Variants in CBLB observed in about 807,000 individuals in gnomAD.
The protein encoded by CBLB is E3 ubiquitin-protein ligase CBL-B.
CBLB carries 31 observed loss-of-function variants against 104.9 expected under a neutral mutation model. The ratio of observed to expected loss-of-function variants is 0.30; its 90% CI spans 0.22 to 0.40. CBLB has a LOEUF of 0.40. CBLB is among the 10% of genes least tolerant of loss of function. CBLB has a pLI of 1.00. For missense variants in CBLB, 1,062 were observed against 1,214.6 expected, an observed-to-expected ratio of 0.87 and a Z score of 1.87; for synonymous variants, 440 against 422.6, an observed-to-expected ratio of 1.04 and a Z score of -0.51.
At chr3:105,830,244 G>C (rs1204933410) in intron 3 of CBLB, among the ~76,000 whole-genome samples, 1 of 152,166 alleles carries the variant, frequency 6.6e-6, no homozygotes, top group Non-Finnish European at 1.5e-5. Flanking sequence ...ATAAAGCCAC[G>C]TAATAGGTGT....
chr3:105,696,654 T>C (rs1167940093), intron 12 of CBLB, among the ~76,000 whole-genome samples: 2 of 151,872 alleles, frequency 1.3e-5, no homozygotes, highest in African/African-American at 2.4e-5. Flanking sequence ...CACAATTGCA[T>C]TGGAAATGCT....
At chr3:105,687,198 G>A (rs1030606165) in intron 13 of CBLB, among the ~76,000 whole-genome samples, 10 of 152,052 alleles carry the variant, frequency 6.6e-5, no homozygotes, top group Non-Finnish European at 1.0e-4. Flanking sequence ...CATACACTAT[G>A]TAAAAAGAAA....
rs145098711 is a variant in CBLB at position 105,826,054 on chromosome 3, C to T, written c.419+27360G>A. Among the ~76,000 whole-genome samples the T allele has an allele frequency of 5.3e-5, 8 of 151,828 alleles. No individual in the cohort carries two copies. In the South Asian group the frequency reaches 8.3e-4, roughly 16 times the overall value. ...AATTTCCTTGACTTTTGAAATTTAA[C>T]GTCAAGCACACTGGAGTTTGAAATG... On this transcript the variant is annotated intron_variant, in intron 3 of 18. Transcript: ENST00000394030.
At chr3:105,700,090 CAG>C (rs2068875698) in intron 12 of CBLB, among the ~76,000 whole-genome samples, 1 of 151,952 alleles carries the variant, frequency 6.6e-6, no homozygotes, top group African/African-American at 2.4e-5. Context: ...AAAGTTCACA[CAG>C]AAATATTTAA....
intron 8 of CBLB, among the ~76,000 whole-genome samples, chr3:105,736,535 TATTTA>T (rs557206261): frequency 1.8e-4 from 27 of 152,306 alleles, no homozygotes; most frequent in African/African-American, 5.8e-4. Flanking sequence ...TAGTCTATTT[TATTTA>T]ATCTATTACT....
At chr3:105,663,112 T>TGA (rs1276427035) in intron 18 of CBLB, among the ~76,000 whole-genome samples, 17 of 152,274 alleles carry the variant, frequency 1.1e-4, no homozygotes, top group African/African-American at 3.9e-4. Flanking sequence ...TGTTACTACT[T>TGA]GAGACCTTCA....
intron 3 of CBLB, among the ~76,000 whole-genome samples, chr3:105,823,105 AG>A (rs2153061917): frequency 6.6e-6 from 1 of 152,350 alleles, no homozygotes. Context: ...AGAGGACAGA[AG>A]GTTTAAACAG....
At position 105,658,587 on chromosome 3, in the gene CBLB, G is replaced by A. The variant is rs73181459; in HGVS notation, c.*383C>T. 1.2e-4 allele frequency: 36 copies of A among 303,480 alleles called. No homozygotes were observed. Among genetic ancestry groups the A allele is most frequent in the Non-Finnish European group, 1.9e-4 (31 of 160,560 alleles). 18.8% of individuals were successfully genotyped at this position (303,480 alleles called of 1,614,324 possible). On this transcript the variant is annotated 3_prime_UTR_variant, in exon 19 of 19. Transcript: ENST00000394030. Reference sequence around the variant, plus strand: ...ACAGCAGACCTGACCACGCTACAAAGGGTCTGTGAAGAACACAGTACAGGT... The same window carrying A: ...ACAGCAGACCTGACCACGCTACAAAAGGTCTGTGAAGAACACAGTACAGGT...
intron 17 of CBLB, among the ~76,000 whole-genome samples, chr3:105,676,667 T>G (rs1205722801): frequency 1.3e-5 from 2 of 152,196 alleles, no homozygotes; most frequent in African/African-American, 4.8e-5. Context: ...AATACAGCAG[T>G]GTTTACATGT....
At chr3:105,862,769 C>G (rs535429491) in intron 2 of CBLB, among the ~76,000 whole-genome samples, 1 of 152,152 alleles carries the variant, frequency 6.6e-6, no homozygotes, top group East Asian at 1.9e-4. Flanking sequence ...ACCCTAACTT[C>G]CCCTCTCTTA....
At chr3:105,792,721 A>C (rs1326344931) in intron 3 of CBLB, among the ~76,000 whole-genome samples, 1 of 152,180 alleles carries the variant, frequency 6.6e-6, no homozygotes, top group Non-Finnish European at 1.5e-5. Flanking sequence ...GAAGAGGACC[A>C]GGCACATCAC....
Position 105,702,222 on chromosome 3 carries a change from CT to C in CBLB, c.1830del (p.Glu612ArgfsTer38). The C allele has an allele frequency of 6.2e-7, 1 of 1,614,090 alleles. No individual in the cohort carries two copies. The highest frequency in any genetic ancestry group is 1.7e-5 in the Admixed American group (1 of 60,020). On this transcript the variant is annotated frameshift_variant, in exon 12 of 19. Transcript: ENST00000394030. LOFTEE classifies it high-confidence loss of function. ...ATTCCAGGTTTTGGAGAGCCCTCCC[CT>C]AGGAGTCGACATCCCACAAGCTGAT... ...GTNQLVGCRL[L>X]GEGSPKPGIT...
chr3:105,770,715 C>A (rs537119247), intron 4 of CBLB, among the ~76,000 whole-genome samples: 1 of 152,204 alleles, frequency 6.6e-6, no homozygotes, highest in Admixed American at 6.5e-5. Flanking sequence ...AAAGCCATGG[C>A]AGCTTTCTAT....
At chr3:105,781,330 C>T (rs920990700) in intron 3 of CBLB, among the ~76,000 whole-genome samples, 4 of 152,164 alleles carry the variant, frequency 2.6e-5, no homozygotes, top group Admixed American at 1.3e-4. Flanking sequence ...AATGATGGAG[C>T]TTCACCGTTT....
At chr3:105,767,265 T>C (rs1231916597) in intron 4 of CBLB, among the ~76,000 whole-genome samples, 1 of 152,136 alleles carries the variant, frequency 6.6e-6, no homozygotes, top group Non-Finnish European at 1.5e-5. Flanking sequence ...AATTAGGTTG[T>C]GTTTTCTTTA....
intron 3 of CBLB, among the ~76,000 whole-genome samples, chr3:105,840,077 T>C (rs1259270739): frequency 2.6e-5 from 4 of 152,160 alleles, no homozygotes; most frequent in African/African-American, 2.4e-5. Context: ...ACATACTTCA[T>C]AGAAAATCAG....
rs556665743 is a variant in CBLB, at chr3:105,712,975, G to C, written c.1407+7072C>G. 2.6e-5 allele frequency among the ~76,000 whole-genome samples: 4 copies of C among 152,098 alleles called. No homozygotes were observed. The South Asian group carries it at 6.2e-4, about 24-fold the overall frequency. ...ATTTCAGGAGTCTTAAATAACACTA[G>C]TATAAAAAATGTGGCCAGGTGTGAT... On this transcript the variant is annotated intron_variant, in intron 10 of 18. Coordinates refer to ENST00000394030, the MANE Select transcript of CBLB (RefSeq NM_170662.5).
intron 3 of CBLB, among the ~76,000 whole-genome samples, chr3:105,813,583 G>A (rs1486939324): frequency 6.6e-6 from 1 of 151,956 alleles, no homozygotes; most frequent in Non-Finnish European, 1.5e-5. Flanking sequence ...AAGCTGGAAA[G>A]AAAATAAAAA....
chr3:105,744,582 A>C (rs2075922922), intron 6 of CBLB, among the ~76,000 whole-genome samples: 1 of 152,158 alleles, frequency 6.6e-6, no homozygotes, highest in South Asian at 2.1e-4. Flanking sequence ...AAAAATATGG[A>C]AATTTTCATA....
Sources: allele counts gnomAD v4.1 joint callset (sites outside exome capture counted in the v4.1 genomes callset), GRCh38; gene constraint gnomAD v4.1.1; transcripts MANE v1.5; gene names NCBI Gene and HGNC (gene_info 2026-07-23, HGNC 2026-07-21).